Variants in SGCZ observed in about 807,000 individuals in gnomAD.
SGCZ encodes zeta-sarcoglycan.
In SGCZ, 40 loss-of-function variants were observed where a neutral mutation model predicts 41.3. The observed-to-expected ratio is 0.97, with a 90% CI of 0.75 to 1.26. SGCZ has a LOEUF of 1.26. Among genes scored for constraint, SGCZ ranks in the 50% most tolerant of loss-of-function variants. The pLI is 0.00. For missense variants in SGCZ, 552 were observed against 369.8 expected, an observed-to-expected ratio of 1.49 and a Z score of -4.04; for synonymous variants, 206 against 137.5, an observed-to-expected ratio of 1.50 and a Z score of -3.49.
intron 2 of SGCZ, among the ~76,000 whole-genome samples, chr8:14,399,109 G>C (rs1447369068): frequency 6.6e-6 from 1 of 152,076 alleles, no homozygotes; most frequent in Non-Finnish European, 1.5e-5. Context: ...GAGCTGAAAA[G>C]AAAGTGGCAC....
At chr8:14,784,913 A>AAATATAT (rs1408574493) in intron 1 of SGCZ, among the ~76,000 whole-genome samples, 6 of 88,038 alleles carry the variant, frequency 6.8e-5, no homozygotes, top group African/African-American at 9.4e-5. Context: ...AAAAAAAAAA[A>AAATATAT]ATATATATAT....
At chr8:14,197,453 C>A (rs888290308) in intron 4 of SGCZ, among the ~76,000 whole-genome samples, 2 of 151,848 alleles carry the variant, frequency 1.3e-5, no homozygotes, top group Non-Finnish European at 2.9e-5. Context: ...GATAATACAT[C>A]ATAGATAATG....
chr8:14,436,727 T>C (rs1429986433), intron 2 of SGCZ, among the ~76,000 whole-genome samples: 3 of 152,194 alleles, frequency 2.0e-5, no homozygotes, highest in South Asian at 4.1e-4. Flanking sequence ...GACCTCTGAG[T>C]ACACCTGTTT....
intron 3 of SGCZ, among the ~76,000 whole-genome samples, chr8:14,283,821 C>T (rs1429222204): frequency 6.6e-6 from 1 of 152,162 alleles, no homozygotes; most frequent in Non-Finnish European, 1.5e-5. Context: ...CAACCAATGT[C>T]CACTGCTACT....
At chr8:14,742,501 A>G (rs1173322948) in intron 1 of SGCZ, among the ~76,000 whole-genome samples, 1 of 152,098 alleles carries the variant, frequency 6.6e-6, no homozygotes, top group Non-Finnish European at 1.5e-5. Context: ...GGAGAAATCA[A>G]GTCACATGCC....
At chr8:14,583,458 C>G (rs951311996) in intron 1 of SGCZ, among the ~76,000 whole-genome samples, 40 of 152,086 alleles carry the variant, frequency 2.6e-4, no homozygotes, top group African/African-American at 9.2e-4. Context: ...TGTAGGTTGC[C>G]TGTTCACTCT....
intron 4 of SGCZ, among the ~76,000 whole-genome samples, chr8:14,199,487 A>G (rs1805385948): frequency 6.6e-6 from 1 of 151,948 alleles, no homozygotes; most frequent in African/African-American, 2.4e-5. Context: ...GTGATATTTT[A>G]TTACCTTGTG....
intron 1 of SGCZ, among the ~76,000 whole-genome samples, chr8:14,828,621 A>C (rs1019335322): frequency 6.6e-6 from 1 of 152,196 alleles, no homozygotes; most frequent in Non-Finnish European, 1.5e-5. Flanking sequence ...AGTGGCTATC[A>C]AGAGGTGTCA....
At chr8:15,188,810 T>A (rs11779569) in intron 1 of SGCZ, among the ~76,000 whole-genome samples, 53,214 of 151,884 alleles carry the variant, frequency 0.35, 12,162 homozygotes, top group Non-Finnish European at 0.48. Context: ...GAGATGTTGA[T>A]TTGAGAATAA....
chr8:14,553,735 G>T (rs1803944606), intron 2 of SGCZ, among the ~76,000 whole-genome samples: 2 of 152,022 alleles, frequency 1.3e-5, no homozygotes, highest in South Asian at 4.1e-4. Flanking sequence ...AAGTCAGAAA[G>T]AGACGATTCT....
In SGCZ at chr8:14,207,569, TG is replaced by T. The variant is rs201618650; in HGVS notation, c.424+30022del. ...AAGCTTAAATATCTTTTTTGTAGTG[TG>T]TTTTTTTTCAGTTTACTATGTTAAG... On this transcript the variant is annotated intron_variant, in intron 4 of 7. Coordinates refer to ENST00000382080, the MANE Select transcript of SGCZ (RefSeq NM_139167.4). Among the ~76,000 whole-genome samples the T allele has an allele frequency of 3.8e-3, 579 of 152,276 alleles. 5 individuals are homozygous for T. Among genetic ancestry groups the T allele is most frequent in the African/African-American group, 9.8e-3 (407 of 41,562 alleles).
At chr8:14,475,251 C>T (rs1010429304) in intron 2 of SGCZ, among the ~76,000 whole-genome samples, 4 of 151,958 alleles carry the variant, frequency 2.6e-5, no homozygotes, top group African/African-American at 9.7e-5. Flanking sequence ...ATTTCAATAT[C>T]TAAATATTAT....
intron 1 of SGCZ, among the ~76,000 whole-genome samples, chr8:15,235,187 G>T (rs554158920): frequency 1.3e-5 from 2 of 152,188 alleles, no homozygotes; most frequent in Admixed American, 6.5e-5. Context: ...AACCAACTCC[G>T]CTAAAAACAA....
intron 3 of SGCZ, chr8:14,309,523 T>G (rs1242162711): frequency 6.2e-7 from 1 of 1,609,840 alleles, no homozygotes; most frequent in African/African-American, 1.3e-5. Context: ...TGTGGACTAC[T>G]GAATGTGAAA....
Position 15,016,784 on chromosome 8 carries a change from G to T in SGCZ, c.39+220801C>A, listed in dbSNP as rs143343343. On this transcript the variant is annotated intron_variant, in intron 1 of 7. Coordinates refer to ENST00000382080, the MANE Select transcript of SGCZ (RefSeq NM_139167.4). ...CAGTTCTGCAGGCTGTATAAGCATGGTGCCAGCATCTGCTTCTGGTGAGGG... is the reference window on the plus strand; with the variant it reads ...CAGTTCTGCAGGCTGTATAAGCATGTTGCCAGCATCTGCTTCTGGTGAGGG... 3.1e-3 allele frequency among the ~76,000 whole-genome samples: 467 copies of T among 152,294 alleles called. 1 individual carries two copies. Among genetic ancestry groups the T allele is most frequent in the African/African-American group, 0.011 (446 of 41,572 alleles).
intron 2 of SGCZ, among the ~76,000 whole-genome samples, chr8:14,472,953 A>C (rs1427035747): frequency 5.9e-5 from 9 of 152,148 alleles, no homozygotes; most frequent in Admixed American, 5.9e-4. Context: ...GTTTTTCAAG[A>C]ACTGCAAGAC....
chr8:14,417,761 A>G (rs1799534525), intron 2 of SGCZ, among the ~76,000 whole-genome samples: 1 of 151,078 alleles, frequency 6.6e-6, no homozygotes, highest in Non-Finnish European at 1.5e-5. Context: ...GTAAGGTGAT[A>G]GATATGTAAT....
intron 1 of SGCZ, among the ~76,000 whole-genome samples, chr8:14,584,442 G>A (rs889172349): frequency 6.6e-6 from 1 of 152,178 alleles, no homozygotes; most frequent in East Asian, 1.9e-4. Flanking sequence ...AATAATGCAT[G>A]TTTAACAGAG....
chr8:15,164,438 G>C (rs576516859), intron 1 of SGCZ, among the ~76,000 whole-genome samples: 1 of 152,220 alleles, frequency 6.6e-6, no homozygotes, highest in East Asian at 1.9e-4. Context: ...CCACGGGTTT[G>C]GGAGCCACTG....
Sources: gnomAD v4.1 joint callset for allele counts (sites outside exome capture counted in the v4.1 genomes callset) on GRCh38, gnomAD v4.1.1 for gene constraint, MANE v1.5 for transcripts, NCBI Gene and HGNC (gene_info 2026-07-23, HGNC 2026-07-21) for gene names.